ADAMTSL1: variants seen among roughly 807,000 people sequenced by gnomAD.
ADAMTSL1 encodes the protein ADAMTS-like protein 1.
In ADAMTSL1, 126 loss-of-function variants were observed where a neutral mutation model predicts 201.8. The observed-to-expected ratio is 0.62, with a 90% CI of 0.54 to 0.72. The LOEUF (loss-of-function observed/expected upper bound fraction) is 0.72. Among genes scored for constraint, ADAMTSL1 ranks in the 30% least tolerant of loss-of-function variants. The pLI, the probability that ADAMTSL1 is intolerant of heterozygous loss-of-function variation, is 0.00. For missense variants in ADAMTSL1, 2,679 were observed against 2,277.8 expected (o/e 1.18, Z -3.59); for synonymous variants, 1,121 against 903.4 (o/e 1.24, Z -4.32).
At position 18,388,722 on chromosome 9, in the gene ADAMTSL1, T is replaced by TTTG. The variant is rs138315941; in HGVS notation, c.208-116089_208-116087dup. On this transcript the variant is annotated intron_variant, in intron 2 of 29. Transcript: ENST00000680146. ...GAATTTAAGTATTCTATTTCGATTT[T>TTTG]TTGTTGTTGTTGTTGTTGTTTAATA... Among the ~76,000 whole-genome samples, 21 of 151,878 alleles carry TTTG rather than the reference T, an allele frequency of 1.4e-4. 1 individual carries two copies. The South Asian group carries it at 2.3e-3, about 17-fold the overall frequency.
chr9:18,556,781 T>C (rs929116651), intron 3 of ADAMTSL1, among the ~76,000 whole-genome samples: 2 of 152,036 alleles, frequency 1.3e-5, no homozygotes, highest in Admixed American at 6.6e-5. Flanking sequence ...ATTAGACTCA[T>C]ATGTTAAGCC....
intron 3 of ADAMTSL1, among the ~76,000 whole-genome samples, chr9:18,547,248 A>C (rs1564034928): frequency 6.6e-6 from 1 of 152,154 alleles, no homozygotes; most frequent in African/African-American, 2.4e-5. Flanking sequence ...AGAGTAAGTT[A>C]CAAAAGTACA....
chr9:18,763,410 C>T (rs1820184050), intron 16 of ADAMTSL1, among the ~76,000 whole-genome samples: 1 of 152,118 alleles, frequency 6.6e-6, no homozygotes, highest in African/African-American at 2.4e-5. Flanking sequence ...ACTCCCTTGT[C>T]AGGGTAGTTT....
intron 4 of ADAMTSL1, among the ~76,000 whole-genome samples, chr9:18,610,702 G>A (rs1436871861): frequency 6.6e-6 from 1 of 152,190 alleles, no homozygotes; most frequent in East Asian, 1.9e-4. Flanking sequence ...TTGGAAATCT[G>A]AGATGCATAA....
intron 2 of ADAMTSL1, among the ~76,000 whole-genome samples, chr9:18,230,138 T>C (rs1342693772): frequency 1.3e-5 from 2 of 152,228 alleles, no homozygotes; most frequent in Non-Finnish European, 2.9e-5. Flanking sequence ...GGTAATTTTA[T>C]AGAGCCACAG....
At chr9:18,199,206 A>C (rs573453429) in intron 2 of ADAMTSL1, among the ~76,000 whole-genome samples, 1 of 151,920 alleles carries the variant, frequency 6.6e-6, no homozygotes, top group African/African-American at 2.4e-5. Context: ...ACATGTATAC[A>C]TATGTAACTA....
At chr9:18,818,737 C>G (rs1824017032) in intron 21 of ADAMTSL1, among the ~76,000 whole-genome samples, 1 of 152,066 alleles carries the variant, frequency 6.6e-6, no homozygotes, top group South Asian at 2.1e-4. Flanking sequence ...CTGCAGTGAG[C>G]CATGGGCATG....
chr9:18,874,900 C>A (rs1377701497), intron 23 of ADAMTSL1, among the ~76,000 whole-genome samples: 1 of 151,572 alleles, frequency 6.6e-6, no homozygotes, highest in African/African-American at 2.4e-5. Flanking sequence ...TGGTCCTGGA[C>A]TTTTTTTTGT....
chr9:18,596,585 A>T (rs889731588), intron 4 of ADAMTSL1, among the ~76,000 whole-genome samples: 1 of 152,180 alleles, frequency 6.6e-6, no homozygotes, highest in South Asian at 2.1e-4. Context: ...AGCATATGCC[A>T]GGCACTGTGC....
At position 18,687,722 on chromosome 9, in the gene ADAMTSL1, TTA is replaced by T. The variant is rs1830920880; in HGVS notation, c.1574+2923_1574+2924del. 2.0e-5 allele frequency among the ~76,000 whole-genome samples: 3 copies of T among 152,318 alleles called. No homozygotes were observed. The South Asian group carries it at 6.2e-4, about 32-fold the overall frequency. ...ACCCAAAATGTAAGGACAAGATTGG[TTA>T]GCACTCAGGCCAAACATATGTTGGG... On this transcript the variant is annotated intron_variant, in intron 13 of 28. Transcript: ENST00000380548.
intron 10 of ADAMTSL1, among the ~76,000 whole-genome samples, chr9:18,679,446 T>C (rs570055057): frequency 5.9e-5 from 9 of 152,190 alleles, no homozygotes; most frequent in African/African-American, 2.2e-4. Flanking sequence ...GGCAAAGATA[T>C]CTCTCTGCAT....
chr9:17,947,345 A>ACACACCC (rs1554668687), intron 1 of ADAMTSL1, among the ~76,000 whole-genome samples: 1 of 147,022 alleles, frequency 6.8e-6, no homozygotes, highest in South Asian at 2.2e-4. Context: ...ACACACACAC[A>ACACACCC]CCCCACTATG....
At chr9:18,791,639 T>C (rs1307075524) in intron 19 of ADAMTSL1, among the ~76,000 whole-genome samples, 1 of 152,262 alleles carries the variant, frequency 6.6e-6, no homozygotes, top group Admixed American at 6.5e-5. Context: ...AAGTGACTTT[T>C]ATAAGTATAC....
intron 3 of ADAMTSL1, among the ~76,000 whole-genome samples, chr9:18,542,137 T>G (rs1177871088): frequency 6.6e-6 from 1 of 152,230 alleles, no homozygotes; most frequent in Admixed American, 6.5e-5. Flanking sequence ...AGTGTTTTAA[T>G]TTTTTATAAT....
chr9:18,878,559 T>G (rs1828318642), intron 23 of ADAMTSL1, among the ~76,000 whole-genome samples: 1 of 152,246 alleles, frequency 6.6e-6, no homozygotes. Context: ...GATCTAGACC[T>G]TCAGGTTCCC....
At chr9:17,913,070 C>G (rs1825953853) in intron 1 of ADAMTSL1, among the ~76,000 whole-genome samples, 1 of 152,104 alleles carries the variant, frequency 6.6e-6, no homozygotes, top group Non-Finnish European at 1.5e-5. Context: ...TGTTTTGGTA[C>G]CAGTACCATG....
chr9:18,544,093 T>A (rs1415694069), intron 3 of ADAMTSL1, among the ~76,000 whole-genome samples: 1 of 152,212 alleles, frequency 6.6e-6, no homozygotes, highest in African/African-American at 2.4e-5. Flanking sequence ...GCTCTTCAAC[T>A]TCTCGTAGCC....
chr9:18,412,997 G>C (rs1006297557), intron 2 of ADAMTSL1, among the ~76,000 whole-genome samples: 1 of 151,720 alleles, frequency 6.6e-6, no homozygotes, highest in Non-Finnish European at 1.5e-5. Flanking sequence ...ACATTGCCTT[G>C]TCGTTTTTTG....
intron 4 of ADAMTSL1, among the ~76,000 whole-genome samples, chr9:18,606,971 T>C (rs1206673374): frequency 6.6e-6 from 1 of 152,182 alleles, no homozygotes; most frequent in Non-Finnish European, 1.5e-5. Context: ...GGCTTCCAGC[T>C]GTGAAGACCA....
Sources: allele counts gnomAD v4.1 joint callset (sites outside exome capture counted in the v4.1 genomes callset), GRCh38; gene constraint gnomAD v4.1.1; transcripts MANE v1.5; gene names NCBI Gene and HGNC (gene_info 2026-07-23, HGNC 2026-07-21).